GALNT10: variants seen among roughly 807,000 people sequenced by gnomAD.
GALNT10 encodes GalNAc transferase 10.
In GALNT10, 41 loss-of-function variants were observed where a neutral mutation model predicts 75.0. The observed-to-expected ratio is 0.55, with a 90% CI of 0.43 to 0.71. GALNT10 has a LOEUF of 0.71. Among genes scored for constraint, GALNT10 ranks in the 30% least tolerant of loss-of-function variants. The probability of loss-of-function intolerance (pLI) is 0.00; values close to 1 mark genes in which losing one functional copy is unlikely to be tolerated. For missense variants in GALNT10, 727 were observed against 818.5 expected, an observed-to-expected ratio of 0.89 and a Z score of 1.36; for synonymous variants, 302 against 313.0, an observed-to-expected ratio of 0.96 and a Z score of 0.37.
At chr5:154,371,393 T>C (rs1476212614) in intron 4 of GALNT10, among the ~76,000 whole-genome samples, 2 of 152,078 alleles carry the variant, frequency 1.3e-5, no homozygotes, top group African/African-American at 4.8e-5. Context: ...GGGACATGAT[T>C]CAAGCCACAA....
intron 1 of GALNT10, among the ~76,000 whole-genome samples, chr5:154,217,208 G>T (rs1752887774): frequency 1.3e-5 from 2 of 151,986 alleles, no homozygotes; most frequent in African/African-American, 2.4e-5. Context: ...CGTCTGTCTG[G>T]GTAGACCTCT....
At chr5:154,370,504 G>A (rs1468928017) in intron 4 of GALNT10, among the ~76,000 whole-genome samples, 2 of 152,168 alleles carry the variant, frequency 1.3e-5, no homozygotes, top group Admixed American at 1.3e-4. Context: ...TAACTGGGAG[G>A]AATTGTATGG....
intron 4 of GALNT10, among the ~76,000 whole-genome samples, chr5:154,364,653 G>A (rs980015941): frequency 6.6e-6 from 1 of 152,106 alleles, no homozygotes; most frequent in Non-Finnish European, 1.5e-5. Context: ...AAACTGACAG[G>A]CCAACACTGT....
intron 1 of GALNT10, among the ~76,000 whole-genome samples, chr5:154,244,790 TG>T (rs1179706076): frequency 6.6e-6 from 1 of 152,186 alleles, no homozygotes; most frequent in Non-Finnish European, 1.5e-5. Context: ...GTATCACTGC[TG>T]GGGTATATCT....
intron 7 of GALNT10, among the ~76,000 whole-genome samples, chr5:154,393,954 G>C (rs1755961058): frequency 6.6e-6 from 1 of 152,200 alleles, no homozygotes. Flanking sequence ...TCTGAGATGA[G>C]ATTCTGCACA....
chr5:154,281,302 A>T (rs1157820772), intron 1 of GALNT10, among the ~76,000 whole-genome samples: 1 of 152,158 alleles, frequency 6.6e-6, no homozygotes, highest in African/African-American at 2.4e-5. Context: ...CGACTATTTG[A>T]TATTTTTGAC....
intron 4 of GALNT10, among the ~76,000 whole-genome samples, chr5:154,356,970 C>A (rs1446935592): frequency 6.6e-6 from 1 of 152,226 alleles, no homozygotes; most frequent in Non-Finnish European, 1.5e-5. Context: ...CTATGATACT[C>A]CTCTTTGTAG....
chr5:154,227,232 A>G (rs562699451), intron 1 of GALNT10, among the ~76,000 whole-genome samples: 1 of 152,216 alleles, frequency 6.6e-6, no homozygotes, highest in South Asian at 2.1e-4. Flanking sequence ...GATTATGTGT[A>G]TATTTAACTG....
chr5:154,219,192 C>T (rs1752931254), intron 1 of GALNT10, among the ~76,000 whole-genome samples: 1 of 152,214 alleles, frequency 6.6e-6, no homozygotes, highest in African/African-American at 2.4e-5. Context: ...TACCTGGGTC[C>T]CCAGGCCTTA....
rs1326930090 is a variant in GALNT10, at chr5:154,420,932, T to C, written c.*3960T>C. On this transcript the variant is annotated 3_prime_UTR_variant, in exon 12 of 12. Transcript: ENST00000297107. ...GCCTTTGTGAAAGACTGATTTACCA[T>C]GTACAATTGTGATTGTGAACGTTGT... The C allele has an allele frequency of 1.3e-5, 2 of 152,258 alleles. No homozygotes were observed. Among genetic ancestry groups the C allele is most frequent in the Non-Finnish European group, 2.9e-5 (2 of 68,040 alleles). The allele number at this position is 152,258 out of a possible 1,614,324, so 9.4% of individuals were successfully genotyped here.
At chr5:154,275,126 G>C (rs1753930349) in intron 1 of GALNT10, among the ~76,000 whole-genome samples, 1 of 152,222 alleles carries the variant, frequency 6.6e-6, no homozygotes, top group South Asian at 2.1e-4. Flanking sequence ...TGAGCTTCCA[G>C]ACTCAGCTTT....
intron 1 of GALNT10, among the ~76,000 whole-genome samples, chr5:154,239,903 C>A (rs1403050820): frequency 6.6e-6 from 1 of 152,236 alleles, no homozygotes; most frequent in Non-Finnish European, 1.5e-5. Flanking sequence ...CTCATCCCCT[C>A]CTTAGTGAGT....
intron 4 of GALNT10, among the ~76,000 whole-genome samples, chr5:154,330,947 G>A (rs1164452263): frequency 7.2e-6 from 1 of 138,372 alleles, no homozygotes; most frequent in Non-Finnish European, 1.6e-5. Flanking sequence ...GTTTGTGTGT[G>A]TGTAGACATT....
intron 4 of GALNT10, among the ~76,000 whole-genome samples, chr5:154,342,826 A>G (rs1373395928): frequency 6.6e-6 from 1 of 152,160 alleles, no homozygotes; most frequent in African/African-American, 2.4e-5. Context: ...TGATGATCTC[A>G]CTTAAATTAT....
At chr5:154,353,299 C>A (rs574772755) in intron 4 of GALNT10, among the ~76,000 whole-genome samples, 1 of 152,126 alleles carries the variant, frequency 6.6e-6, no homozygotes. Context: ...CCACCCCCCG[C>A]AAAACGACCT....
intron 4 of GALNT10, among the ~76,000 whole-genome samples, chr5:154,342,798 G>A (rs1581982959): frequency 1.3e-5 from 2 of 152,198 alleles, no homozygotes; most frequent in African/African-American, 4.8e-5. Context: ...TTTAATTTCA[G>A]CCGCTATTCA....
At chr5:154,282,316 T>TC in intron 1 of GALNT10, among the ~76,000 whole-genome samples, 1 of 152,218 alleles carries the variant, frequency 6.6e-6, no homozygotes, top group Admixed American at 6.5e-5. Context: ...GGATTCAGTT[T>TC]CCAACACACA....
chr5:154,269,004 A>G (rs895516704), intron 1 of GALNT10, among the ~76,000 whole-genome samples: 6 of 105,720 alleles, frequency 5.7e-5, no homozygotes, highest in African/African-American at 3.1e-4. Context: ...TTTGGAAAAT[A>G]TAAAGAATCT....
intron 4 of GALNT10, among the ~76,000 whole-genome samples, chr5:154,349,940 A>T (rs1755182021): frequency 6.6e-6 from 1 of 152,176 alleles, no homozygotes; most frequent in African/African-American, 2.4e-5. Flanking sequence ...ATTCACATTT[A>T]AATTAAAATT....
Sources: allele counts gnomAD v4.1 joint callset (sites outside exome capture counted in the v4.1 genomes callset), GRCh38; gene constraint gnomAD v4.1.1; transcripts MANE v1.5; gene names NCBI Gene and HGNC (gene_info 2026-07-23, HGNC 2026-07-21).